Variants in DYRK1A observed in about 807,000 individuals in gnomAD.
DYRK1A encodes dual specificity tyrosine-phosphorylation-regulated kinase 1A.
A neutral mutation model predicts 79.7 loss-of-function variants in DYRK1A; 9 were observed. The ratio of observed to expected loss-of-function variants is 0.11; its 90% confidence interval spans 0.07 to 0.20. The LOEUF (loss-of-function observed/expected upper bound fraction) is 0.20, where lower values mean the gene tolerates loss of function less well. Ranked by LOEUF, DYRK1A falls within the 10% of genes least tolerant of loss-of-function variation. DYRK1A has a pLI of 1.00. For synonymous variants in DYRK1A, 349 were observed against 329.7 expected (o/e 1.06, Z -0.63); for missense variants, 622 against 956.0 (o/e 0.65, Z 4.61).
intron 1 of DYRK1A, among the ~76,000 whole-genome samples, chr21:37,385,670 C>G (rs1367112065): frequency 6.6e-6 from 1 of 152,216 alleles, no homozygotes; most frequent in Admixed American, 6.5e-5. Context: ...GAGCCTCCAT[C>G]AAAGTTCTCT....
At chr21:37,385,634 T>A (rs2049745421) in intron 1 of DYRK1A, among the ~76,000 whole-genome samples, 2 of 152,224 alleles carry the variant, frequency 1.3e-5, no homozygotes, top group South Asian at 4.1e-4. Context: ...GTGCACAGGA[T>A]GTGAACACTA....
At chr21:37,440,116 G>A (rs2051049355) in intron 2 of DYRK1A, among the ~76,000 whole-genome samples, 1 of 86,198 alleles carries the variant, frequency 1.2e-5, no homozygotes, top group Non-Finnish European at 2.7e-5. Flanking sequence ...CGTTGACTTT[G>A]ATTTTGTTTG....
chr21:37,475,822 T>G (rs906324181), intron 3 of DYRK1A, among the ~76,000 whole-genome samples: 4 of 152,090 alleles, frequency 2.6e-5, no homozygotes, highest in Non-Finnish European at 4.4e-5. Context: ...TATGTGATTT[T>G]GGTGTTTTTT....
At chr21:37,393,261 A>T (rs972151292) in intron 1 of DYRK1A, among the ~76,000 whole-genome samples, 4 of 152,206 alleles carry the variant, frequency 2.6e-5, no homozygotes, top group African/African-American at 9.6e-5. Context: ...GACAGCAGGT[A>T]GCAGTACTCT....
chr21:37,388,169 C>T (rs1443370155), intron 1 of DYRK1A, among the ~76,000 whole-genome samples: 1 of 138,984 alleles, frequency 7.2e-6, no homozygotes, highest in African/African-American at 2.7e-5. Context: ...ACAGCAGTTT[C>T]GACCTCCCTG....
intron 2 of DYRK1A, among the ~76,000 whole-genome samples, chr21:37,436,524 CTT>C (rs754167404): frequency 1.2e-4 from 19 of 152,150 alleles, no homozygotes; most frequent in Non-Finnish European, 2.5e-4. Context: ...GCATAGGACT[CTT>C]TTGCCTTCTT....
intron 2 of DYRK1A, among the ~76,000 whole-genome samples, chr21:37,429,483 A>G (rs1480032192): frequency 6.6e-6 from 1 of 152,218 alleles, no homozygotes; most frequent in Admixed American, 6.5e-5. Flanking sequence ...GTGAAGGGGA[A>G]GCAGGCATGT....
intron 2 of DYRK1A, among the ~76,000 whole-genome samples, chr21:37,453,075 C>T (rs2051511703): frequency 6.6e-6 from 1 of 152,146 alleles, no homozygotes; most frequent in Non-Finnish European, 1.5e-5. Context: ...TGCACCATTG[C>T]ACTCCAGCCT....
intron 2 of DYRK1A, among the ~76,000 whole-genome samples, chr21:37,433,771 A>G (rs1319817265): frequency 1.3e-5 from 2 of 152,348 alleles, no homozygotes; most frequent in South Asian, 2.1e-4. Flanking sequence ...AAATTTTCAT[A>G]TGGACAAGAA....
chr21:37,386,876 A>G (rs1408673404), intron 1 of DYRK1A, among the ~76,000 whole-genome samples: 1 of 152,106 alleles, frequency 6.6e-6, no homozygotes, highest in Non-Finnish European at 1.5e-5. Context: ...AGGGAAGATT[A>G]TTTTTCTTGT....
At chr21:37,451,705 T>TAGGCTCCACCGTCTAGC in intron 2 of DYRK1A, among the ~76,000 whole-genome samples, 1 of 152,110 alleles carries the variant, frequency 6.6e-6, no homozygotes, top group East Asian at 1.9e-4. Context: ...GGGCGTGCAG[T>TAGGCTCCACCGTCTAGC]GTATACTCAG....
In DYRK1A at chr21:37,519,319, C is replaced by G. The variant is rs1030691016; in HGVS notation, c.*6788C>G. The G allele has an allele frequency of 1.3e-5, 2 of 152,270 alleles. No homozygotes were observed. The highest frequency in any genetic ancestry group is 6.5e-5 in the Admixed American group (1 of 15,286). 9.4% of individuals were successfully genotyped at this position (152,270 alleles called of 1,614,324 possible). ...CCAAAGAGGTTCAGATCCCACTGCT[C>G]CTCTCATTGGCTTCGTGACCCTGGG... On this transcript the variant is annotated 3_prime_UTR_variant, in exon 12 of 12. Coordinates refer to ENST00000647188, the MANE Select transcript of DYRK1A (RefSeq NM_001347721.2).
intron 1 of DYRK1A, among the ~76,000 whole-genome samples, chr21:37,407,991 C>G (rs1243063507): frequency 2.0e-5 from 3 of 147,180 alleles, no homozygotes; most frequent in Non-Finnish European, 4.4e-5. Flanking sequence ...TTTGTGTTAA[C>G]ACAATGAATG....
chr21:37,420,399 G>A lies in DYRK1A; in HGVS notation c.10+15G>A. The A allele has an allele frequency of 6.2e-7, 1 of 1,607,590 alleles. No homozygotes were observed. The highest frequency in any genetic ancestry group is 8.5e-7 in the Non-Finnish European group (1 of 1,175,800). ...GATGCATACAGGTGACTCAAGTTTT[G>A]AAATACAGTAAAACTCTGGCTAAGA... On this transcript the variant is annotated intron_variant, in intron 2 of 11. Transcript: ENST00000647188.
chr21:37,478,289 C>T lies in DYRK1A; in HGVS notation c.289C>T (p.His97Tyr). ...LSVDLIKTYK[H>Y]INEVYYAKKK... ...TGTTGACTTGATCAAAACATACAAG[C>T]ATATTAATGAGGTAAGACTTGATTT... is the stretch of plus-strand genomic sequence containing the variant. The change falls in exon 4 of 12, where the codon CAT (histidine) becomes TAT (tyrosine). Residue 97 changes from histidine to tyrosine, a missense_variant. His to Tyr is a moderately conservative substitution (Grantham distance 83). This residue lies in a region of DYRK1A where 138 missense variants were observed against 346.4 expected (regional missense o/e 0.40). Coordinates refer to ENST00000647188, the MANE Select transcript of DYRK1A (RefSeq NM_001347721.2). The T allele has an allele frequency of 6.2e-7, 1 of 1,613,520 alleles. No homozygotes were observed. The highest frequency in any genetic ancestry group is 8.5e-7 in the Non-Finnish European group (1 of 1,179,584).
intron 5 of DYRK1A, among the ~76,000 whole-genome samples, chr21:37,482,982 C>A (rs2052710615): frequency 6.6e-6 from 1 of 152,072 alleles, no homozygotes; most frequent in Non-Finnish European, 1.5e-5. Flanking sequence ...TCAAGGTGCC[C>A]AGATTTCATA....
At chr21:37,402,475 A>G (rs999391496) in intron 1 of DYRK1A, among the ~76,000 whole-genome samples, 5 of 152,166 alleles carry the variant, frequency 3.3e-5, no homozygotes, top group East Asian at 1.9e-4. Context: ...GTAAGTGGTA[A>G]TGACTATCTT....
chr21:37,503,111 T>A (rs2053499660), intron 9 of DYRK1A: 1 of 152,208 alleles, frequency 6.6e-6, no homozygotes, highest in Admixed American at 6.5e-5. Context: ...ATTTTCTTTG[T>A]ATTTTTTCTC....
intron 1 of DYRK1A, among the ~76,000 whole-genome samples, chr21:37,403,655 ATATATATATG>A (rs1569295411): frequency 3.2e-5 from 4 of 125,700 alleles, no homozygotes; most frequent in Non-Finnish European, 5.0e-5. Flanking sequence ...AAAAATATAT[ATATATATATG>A]TGTGTGTGTG....
Sources: allele counts gnomAD v4.1 joint callset (sites outside exome capture counted in the v4.1 genomes callset), GRCh38; gene constraint gnomAD v4.1.1; regional missense constraint gnomAD v4.1.1; transcripts MANE v1.5; gene names NCBI Gene and HGNC (gene_info 2026-07-23, HGNC 2026-07-21).